Variants in ARID5B observed in about 807,000 individuals in gnomAD.
The protein encoded by ARID5B is AT-rich interactive domain-containing protein 5B.
Under a neutral mutation model 97.2 loss-of-function variants are expected in ARID5B, and 13 were observed. The observed-to-expected ratio is 0.13, with a 90% CI of 0.09 to 0.21. ARID5B has a LOEUF of 0.21. Ranked by LOEUF, ARID5B falls within the 10% of genes least tolerant of loss-of-function variation. The pLI is 1.00. For synonymous variants in ARID5B, 556 were observed against 570.3 expected (o/e 0.97, Z 0.36); for missense variants, 1,210 against 1,465.3 (o/e 0.83, Z 2.84).
intron 3 of ARID5B, among the ~76,000 whole-genome samples, chr10:61,980,067 T>A (rs561441358): frequency 1.3e-5 from 2 of 151,764 alleles, no homozygotes; most frequent in African/African-American, 4.8e-5. Flanking sequence ...CATTCCAGCA[T>A]GGGCAACAAG....
intron 2 of ARID5B, among the ~76,000 whole-genome samples, chr10:61,937,582 T>C (rs1220268444): frequency 1.3e-5 from 2 of 152,226 alleles, no homozygotes; most frequent in Non-Finnish European, 2.9e-5. Flanking sequence ...ATTAATAGAA[T>C]AACAAAGTGT....
intron 3 of ARID5B, among the ~76,000 whole-genome samples, chr10:61,986,408 G>A (rs1048930729): frequency 7.2e-5 from 11 of 152,190 alleles, no homozygotes; most frequent in Non-Finnish European, 1.6e-4. Context: ...ACAGTGTTAA[G>A]CTGGCTGTGT....
intron 3 of ARID5B, among the ~76,000 whole-genome samples, chr10:61,977,427 C>T (rs1457681280): frequency 4.6e-5 from 7 of 152,180 alleles, no homozygotes; most frequent in Non-Finnish European, 8.8e-5. Context: ...CTTGAGGAAT[C>T]ACCACACTGT....
In ARID5B at chr10:62,095,103, A is replaced by T. The variant is rs1357698280; in HGVS notation, c.*2073A>T. The T allele has an allele frequency of 2.4e-5, 4 of 165,174 alleles. No homozygotes were observed. The highest frequency in any genetic ancestry group is 3.9e-5 in the Non-Finnish European group (3 of 77,064). 10.2% of individuals were successfully genotyped at this position (165,174 alleles called of 1,614,324 possible). ...TAATTATTTACCTTCCTGTGGAATA[A>T]TATATATATATATATTTAATAGAAC... On this transcript the variant is annotated 3_prime_UTR_variant, in exon 10 of 10. Transcript: ENST00000279873.
chr10:61,995,643 G>GA (rs373567043), intron 3 of ARID5B, among the ~76,000 whole-genome samples: 28 of 146,068 alleles, frequency 1.9e-4, no homozygotes, highest in East Asian at 5.9e-4. Context: ...TTGTCTTGAG[G>GA]AAAAAAAAAA....
chr10:61,924,721 C>A (rs1203850691), intron 2 of ARID5B, among the ~76,000 whole-genome samples: 1 of 152,162 alleles, frequency 6.6e-6, no homozygotes, highest in South Asian at 2.1e-4. Flanking sequence ...GTCAGTGATT[C>A]TTGGAAGACT....
At chr10:61,932,969 C>G (rs1844237185) in intron 2 of ARID5B, among the ~76,000 whole-genome samples, 1 of 152,104 alleles carries the variant, frequency 6.6e-6, no homozygotes, top group South Asian at 2.1e-4. Context: ...TGTAGTCCCA[C>G]CTATTCGGGA....
At chr10:61,921,660 C>T (rs1029789950) in intron 2 of ARID5B, among the ~76,000 whole-genome samples, 2 of 152,122 alleles carry the variant, frequency 1.3e-5, no homozygotes, top group African/African-American at 2.4e-5. Context: ...GTCTAGCCCA[C>T]ACCCAAGAGC....
intron 3 of ARID5B, among the ~76,000 whole-genome samples, chr10:61,992,490 C>T (rs1838939713): frequency 6.6e-6 from 1 of 152,074 alleles, no homozygotes. Context: ...TTTGTCTATG[C>T]CTCTATTTTA....
intron 8 of ARID5B, among the ~76,000 whole-genome samples, chr10:62,076,039 C>A (rs1840128222): frequency 6.6e-6 from 1 of 152,118 alleles, no homozygotes; most frequent in Non-Finnish European, 1.5e-5. Flanking sequence ...TGAGGAGGTA[C>A]CCTTGCCACC....
At chr10:61,946,989 A>G (rs1838247508) in intron 3 of ARID5B, among the ~76,000 whole-genome samples, 1 of 152,198 alleles carries the variant, frequency 6.6e-6, no homozygotes, top group Admixed American at 6.5e-5. Flanking sequence ...ATTACATACG[A>G]GACTTATCAA....
chr10:62,011,050 G>A (rs756508146), intron 4 of ARID5B, among the ~76,000 whole-genome samples: 4 of 152,208 alleles, frequency 2.6e-5, no homozygotes. Context: ...AGATGGTACT[G>A]ATACCCCAAG....
At chr10:61,980,582 C>G (rs1838763835) in intron 3 of ARID5B, among the ~76,000 whole-genome samples, 1 of 152,148 alleles carries the variant, frequency 6.6e-6, no homozygotes, top group African/African-American at 2.4e-5. Context: ...AAACCAGTTG[C>G]AAATGAAATG....
chr10:61,953,546 C>T lies in ARID5B; in HGVS notation c.502+13138C>T, dbSNP rs75386052. On this transcript the variant is annotated intron_variant, in intron 3 of 9. Coordinates refer to ENST00000279873, the MANE Select transcript of ARID5B (RefSeq NM_032199.3). ...GAAGAATGAGCAAACACAGAAGCTGCCATTTTAGGGTAGCTTCTTTTTGAC... is the reference window on the plus strand; with the variant it reads ...GAAGAATGAGCAAACACAGAAGCTGTCATTTTAGGGTAGCTTCTTTTTGAC... Among the ~76,000 whole-genome samples the T allele has an allele frequency of 7.0e-3, 1,071 of 152,124 alleles. 13 individuals carry two copies. Among genetic ancestry groups the T allele is most frequent in the Middle Eastern group, 0.048 (14 of 294 alleles).
chr10:61,991,321 G>T (rs1287281206), intron 3 of ARID5B, among the ~76,000 whole-genome samples: 1 of 152,044 alleles, frequency 6.6e-6, no homozygotes, highest in African/African-American at 2.4e-5. Context: ...ACAATGCACA[G>T]GGGTTCCTAT....
intron 3 of ARID5B, 108 bp from the exon 4 acceptor site, chr10:61,999,983 G>A (rs889033225): frequency 1.9e-6 from 2 of 1,075,884 alleles, no homozygotes; most frequent in African/African-American, 3.1e-5. Context: ...ACAAGGATGA[G>A]AGTCTTTTTA....
rs538610356 is a variant in ARID5B, at chr10:61,909,184, T to C, written c.276+6771T>C. Among the ~76,000 whole-genome samples, 13 of 152,260 alleles carry C rather than the reference T, an allele frequency of 8.5e-5. No individual in the cohort carries two copies. The South Asian group carries it at 2.7e-3, about 32-fold the overall frequency. ...CGTGCACTTTATACCTTGTGCCTTA[T>C]AGTTATCTGTGTTCTTTTCCTTTAC... On this transcript the variant is annotated intron_variant, in intron 2 of 9. Coordinates refer to ENST00000279873, the MANE Select transcript of ARID5B (RefSeq NM_032199.3).
chr10:62,043,640 G>A (rs1448174111), intron 4 of ARID5B, among the ~76,000 whole-genome samples: 2 of 152,198 alleles, frequency 1.3e-5, no homozygotes, highest in African/African-American at 4.8e-5. Context: ...TATGGGTTGG[G>A]GGAAGGGTAG....
At chr10:61,935,042 C>T (rs556353829) in intron 2 of ARID5B, among the ~76,000 whole-genome samples, 168 of 149,998 alleles carry the variant, frequency 1.1e-3, no homozygotes, top group African/African-American at 4.0e-3. Context: ...TACAGATCAA[C>T]ATACTGGATA....
Sources: gnomAD v4.1 joint callset for allele counts (sites outside exome capture counted in the v4.1 genomes callset) on GRCh38, gnomAD v4.1.1 for gene constraint, MANE v1.5 for transcripts, NCBI Gene and HGNC (gene_info 2026-07-23, HGNC 2026-07-21) for gene names.